GRID1: variants seen among roughly 807,000 people sequenced by gnomAD.
The protein encoded by GRID1 is glutamate ionotropic receptor delta type subunit 1, also known as glutamate receptor ionotropic, delta-1.
In GRID1, 28 loss-of-function variants were observed where a neutral mutation model predicts 98.0. The ratio of observed to expected loss-of-function variants is 0.29; its 90% confidence interval spans 0.21 to 0.39. The LOEUF is 0.39. Ranked by LOEUF, GRID1 falls within the 10% of genes least tolerant of loss-of-function variation. The pLI, the probability that GRID1 is intolerant of heterozygous loss-of-function variation, is 1.00. For synonymous variants in GRID1, 553 were observed against 538.5 expected (o/e 1.03, Z -0.37); for missense variants, 1,111 against 1,340.5 (o/e 0.83, Z 2.67).
chr10:86,187,181 G>T (rs147793494), intron 3 of GRID1, among the ~76,000 whole-genome samples: 1 of 152,114 alleles, frequency 6.6e-6, no homozygotes, highest in Non-Finnish European at 1.5e-5. Flanking sequence ...CTGTCTCTGC[G>T]ACCTCAGAAA....
At chr10:85,634,249 C>CCTCCCTCTCTCTCTCTCTCTCTCTCT (rs1843008180) in intron 13 of GRID1, among the ~76,000 whole-genome samples, 1 of 92,314 alleles carries the variant, frequency 1.1e-5, no homozygotes, top group Non-Finnish European at 2.1e-5. Flanking sequence ...TGATGGGGCA[C>CCTCCCTCTCTCTCTCTCTCTCTCTCT]CTCTCTCTCT....
Position 85,844,508 on chromosome 10 carries a change from C to G in GRID1, c.1233+9988G>C, listed in dbSNP as rs574155320. 9.9e-5 allele frequency among the ~76,000 whole-genome samples: 15 copies of G among 150,946 alleles called. No homozygotes were observed. In the South Asian group the frequency reaches 3.1e-3, roughly 31 times the overall value. ...ATGTGGATCTGAATGAGATCCATAG[C>G]TTGTATCAATGTCAGTATCCTTATT... On this transcript the variant is annotated intron_variant, in intron 8 of 15. Transcript: ENST00000327946.
rs117950711 is a variant in GRID1 at position 86,265,383 on chromosome 10, C to G, written c.236-58735G>C. Among the ~76,000 whole-genome samples the G allele has an allele frequency of 2.5e-3, 383 of 152,354 alleles. 11 individuals are homozygous for G. In the East Asian group the frequency reaches 0.066, roughly 26 times the overall value. On this transcript the variant is annotated intron_variant, in intron 2 of 15. Coordinates refer to ENST00000327946, the MANE Select transcript of GRID1 (RefSeq NM_017551.3). ...CTGGACCCAGCCCTGATAACCTGTGCCAGGCACTGTGCCAAGTGCTTTAAA... is the reference window on the plus strand; with the variant it reads ...CTGGACCCAGCCCTGATAACCTGTGGCAGGCACTGTGCCAAGTGCTTTAAA...
intron 4 of GRID1, among the ~76,000 whole-genome samples, chr10:86,125,977 T>G (rs1164974276): frequency 6.6e-6 from 1 of 152,166 alleles, no homozygotes; most frequent in African/African-American, 2.4e-5. Flanking sequence ...AGTTAAGTTT[T>G]GGGGGAGTCA....
intron 5 of GRID1, among the ~76,000 whole-genome samples, chr10:85,874,192 G>A (rs565030718): frequency 9.8e-4 from 149 of 151,960 alleles, no homozygotes; most frequent in Non-Finnish European, 4.3e-4. Flanking sequence ...AAATTTACTA[G>A]GTAACAGCAA....
intron 12 of GRID1, among the ~76,000 whole-genome samples, chr10:85,664,004 C>T (rs1323841743): frequency 6.6e-6 from 1 of 152,160 alleles, no homozygotes; most frequent in African/African-American, 2.4e-5. Context: ...GGCACAGTGT[C>T]CTTTCCAGCA....
intron 4 of GRID1, among the ~76,000 whole-genome samples, chr10:86,064,897 T>C (rs776649855): frequency 1.3e-5 from 2 of 152,192 alleles, no homozygotes; most frequent in Non-Finnish European, 2.9e-5. Flanking sequence ...AGCCTGCAAA[T>C]GCATTTCCTC....
chr10:85,750,771 A>G (rs1842038907), intron 8 of GRID1, among the ~76,000 whole-genome samples: 1 of 152,208 alleles, frequency 6.6e-6, no homozygotes, highest in Non-Finnish European at 1.5e-5. Flanking sequence ...GCTTAATGAC[A>G]GAAACAAAAG....
At chr10:85,809,678 G>A (rs1167314518) in intron 8 of GRID1, among the ~76,000 whole-genome samples, 1 of 152,210 alleles carries the variant, frequency 6.6e-6, no homozygotes, top group Non-Finnish European at 1.5e-5. Flanking sequence ...ACTTCAGAGG[G>A]AAAGTGCTGA....
In GRID1 at chr10:86,163,734, G is replaced by A. The variant is rs146002281; in HGVS notation, c.521-24710C>T. Among the ~76,000 whole-genome samples, 350 of 152,314 alleles carry A rather than the reference G, an allele frequency of 2.3e-3. 2 individuals carry two copies. Among genetic ancestry groups the A allele is most frequent in the African/African-American group, 7.9e-3 (327 of 41,558 alleles). On this transcript the variant is annotated intron_variant, in intron 3 of 15. Coordinates refer to ENST00000327946, the MANE Select transcript of GRID1 (RefSeq NM_017551.3). ...CAGGGACTCTGTGTGGGAGGCCTGG[G>A]TCAGACAATGTTTGTTGAGTCCCCA... is the stretch of plus-strand genomic sequence containing the variant.
At chr10:86,292,678 TG>T (rs1390453059) in intron 2 of GRID1, among the ~76,000 whole-genome samples, 2 of 152,160 alleles carry the variant, frequency 1.3e-5, no homozygotes, top group East Asian at 1.9e-4. Context: ...TGTGGCTGTG[TG>T]TGCAAGTGTG....
intron 4 of GRID1, among the ~76,000 whole-genome samples, chr10:86,023,750 C>A (rs1431245698): frequency 2.0e-5 from 3 of 152,122 alleles, no homozygotes. Flanking sequence ...AGAACCCAGG[C>A]CTCCTCCCAG....
chr10:86,097,753 T>C (rs1293165871), intron 4 of GRID1, among the ~76,000 whole-genome samples: 1 of 152,226 alleles, frequency 6.6e-6, no homozygotes, highest in African/African-American at 2.4e-5. Context: ...CAGATACATA[T>C]TGAACTCTTG....
At chr10:86,160,068 T>A (rs1170241381) in intron 3 of GRID1, among the ~76,000 whole-genome samples, 1 of 152,058 alleles carries the variant, frequency 6.6e-6, no homozygotes, top group Non-Finnish European at 1.5e-5. Flanking sequence ...ATCATCATCA[T>A]CATCGTGTGA....
chr10:86,178,552 G>C (rs1346600108), intron 3 of GRID1, among the ~76,000 whole-genome samples: 3 of 152,166 alleles, frequency 2.0e-5, no homozygotes, highest in Non-Finnish European at 4.4e-5. Context: ...TCTGCCACAG[G>C]GGACAGGCAC....
At chr10:86,180,346 G>A (rs1434432645) in intron 3 of GRID1, among the ~76,000 whole-genome samples, 3 of 152,142 alleles carry the variant, frequency 2.0e-5, no homozygotes, top group Non-Finnish European at 4.4e-5. Flanking sequence ...CAGCTGCCCA[G>A]GGCCATGCTT....
chr10:85,943,316 A>C (rs1284003042), intron 4 of GRID1, among the ~76,000 whole-genome samples: 2 of 152,228 alleles, frequency 1.3e-5, no homozygotes, highest in Non-Finnish European at 2.9e-5. Context: ...AGATATATAA[A>C]ATATATGCCA....
Position 85,886,843 on chromosome 10 carries a change from C to T in GRID1, c.781-17663G>A, listed in dbSNP as rs544394288. The stretch of plus-strand genomic sequence containing the variant: ...ACTTCAGTAAAATTTTGGAAAGTTC[C>T]GATATCAGAGAAAAATATTATTAAA... On this transcript the variant is annotated intron_variant, in intron 5 of 15. Coordinates refer to ENST00000327946, the MANE Select transcript of GRID1 (RefSeq NM_017551.3). Among the ~76,000 whole-genome samples the T allele has an allele frequency of 7.9e-5, 12 of 152,090 alleles. 2 individuals are homozygous for T. The highest frequency in any genetic ancestry group is 2.4e-4 in the African/African-American group (10 of 41,464).
intron 13 of GRID1, among the ~76,000 whole-genome samples, chr10:85,641,220 C>T (rs975665978): frequency 4.6e-5 from 7 of 152,148 alleles, no homozygotes; most frequent in African/African-American, 1.7e-4. Context: ...AAAAAAATCC[C>T]ATCAGCAATA....
Sources: gnomAD v4.1 joint callset for allele counts (sites outside exome capture counted in the v4.1 genomes callset) on GRCh38, gnomAD v4.1.1 for gene constraint, MANE v1.5 for transcripts, NCBI Gene and HGNC (gene_info 2026-07-23, HGNC 2026-07-21) for gene names.